The following SCARB2 variants were observed in gnomAD, a reference collection of about 807,000 sequenced individuals.
The protein encoded by SCARB2 is lysosome membrane protein 2.
Under a neutral mutation model 58.6 loss-of-function variants are expected in SCARB2, and 29 were observed. That is an observed-to-expected ratio of 0.49 (90% CI 0.37 to 0.67). The LOEUF (loss-of-function observed/expected upper bound fraction) is 0.67, where lower values mean the gene tolerates loss of function less well. SCARB2 is among the 30% of genes least tolerant of loss of function. SCARB2 has a pLI of 0.00. For missense variants in SCARB2, 488 were observed against 578.5 expected (o/e 0.84, Z 1.60); for synonymous variants, 195 against 210.1 (o/e 0.93, Z 0.62).
At chr4:76,206,725 T>C (rs1259897270) in intron 1 of SCARB2, among the ~76,000 whole-genome samples, 5 of 151,292 alleles carry the variant, frequency 3.3e-5, no homozygotes, top group African/African-American at 4.9e-5. Flanking sequence ...TTACGTCATA[T>C]GGGTTGAAAA....
At chr4:76,179,739 C>G in intron 3 of SCARB2, 34 bp from the exon 4 acceptor site, 1 of 1,548,768 alleles carries the variant, frequency 6.5e-7, no homozygotes, top group Non-Finnish European at 8.9e-7. Flanking sequence ...ACAGCAGCAT[C>G]CCCTCCAAAG....
intron 1 of SCARB2, among the ~76,000 whole-genome samples, chr4:76,204,071 C>A (rs1028604706): frequency 1.4e-4 from 21 of 152,134 alleles, no homozygotes; most frequent in African/African-American, 5.1e-4. Context: ...GGAGAACTTG[C>A]CCTAATTGTG....
chr4:76,174,011 T>C, intron 7 of SCARB2, 133 bp downstream of exon 7: 1 of 1,111,042 alleles, frequency 9.0e-7, no homozygotes, highest in Admixed American at 1.8e-5. Context: ...GCTCAAGTGA[T>C]CATCCCACCT....
In SCARB2 at chr4:76,166,524, A is replaced by G. The variant is rs1420628821; in HGVS notation, c.1188-223T>C. The G allele has an allele frequency of 5.0e-6, 3 of 600,532 alleles. No homozygotes were observed. In the Admixed American group the frequency reaches 8.2e-5, roughly 16 times the overall value. 37.2% of individuals were successfully genotyped at this position (600,532 alleles called of 1,614,324 possible). On this transcript the variant is annotated intron_variant, in intron 9 of 11. Transcript: ENST00000264896. ...ACGTTTATCAAAACACAAGATACTGAAGGCAGATTCCTTAAAATGATGACT... is the reference window on the plus strand; with the variant it reads ...ACGTTTATCAAAACACAAGATACTGGAGGCAGATTCCTTAAAATGATGACT...
intron 11 of SCARB2, 82 bp from the exon 12 acceptor site, chr4:76,161,833 G>A: frequency 7.3e-7 from 1 of 1,369,926 alleles, no homozygotes; most frequent in African/African-American, 1.4e-5. Flanking sequence ...GTGGGGAGTG[G>A]GGGCATGGAA....
At chr4:76,228,509 T>G (rs545359167) in intron 1 of SCARB2, among the ~76,000 whole-genome samples, 1 of 151,942 alleles carries the variant, frequency 6.6e-6, no homozygotes, top group African/African-American at 2.4e-5. Context: ...AGAAAAAAAA[T>G]TTAGAATTCC....
At chr4:76,193,429 G>A (rs1732645506) in intron 2 of SCARB2, 1 of 152,262 alleles carries the variant, frequency 6.6e-6, no homozygotes, top group South Asian at 2.1e-4. Context: ...TGGGAAGAAG[G>A]CCACCGTCCT....
intron 2 of SCARB2, 122 bp downstream of exon 2, chr4:76,195,585 A>C: frequency 2.4e-6 from 2 of 828,826 alleles, no homozygotes; most frequent in Non-Finnish European, 4.1e-6. Flanking sequence ...GTTTCAGACA[A>C]TGAAATCAGA....
intron 1 of SCARB2, among the ~76,000 whole-genome samples, chr4:76,231,310 C>T (rs1733488457): frequency 2.0e-5 from 3 of 152,164 alleles, no homozygotes; most frequent in Admixed American, 2.0e-4. Context: ...GATAATTCCT[C>T]AGAATTAGAA....
Position 76,174,221 on chromosome 4 carries a change from G to A in SCARB2, c.917C>T (p.Ser306Leu). The A allele has an allele frequency of 1.2e-6, 2 of 1,614,206 alleles. No homozygotes were observed. Among genetic ancestry groups the A allele is most frequent in the Non-Finnish European group, 1.7e-6 (2 of 1,180,038 alleles). ...KVPAEILANT[S>L]DNAGFCIPEG... is the part of the protein sequence containing the mutation. Reference sequence around the variant, plus strand: ...AGGTATACAGAAGCCGGCATTGTCTGACGTATTGGCTAATATTTCTGCAGG... The same window carrying A: ...AGGTATACAGAAGCCGGCATTGTCTAACGTATTGGCTAATATTTCTGCAGG... The change falls in exon 7 of 12, where the codon TCA (serine) becomes TTA (leucine). Residue 306 changes from serine (S) to leucine (L), a missense_variant. Ser to Leu is a moderately radical substitution (Grantham distance 145, BLOSUM62 -2). Coordinates refer to ENST00000264896, the MANE Select transcript of SCARB2 (RefSeq NM_005506.4).
In SCARB2 at chr4:76,166,231, C is replaced by T. The variant is rs1362101515; in HGVS notation, c.1239+19G>A. On this transcript the variant is annotated intron_variant, in intron 10 of 11. Transcript: ENST00000264896. ...CTGAGTCTGAAAACACCCGTGGCTCCCTCCGTCTCAGGACTTACCTCATTG... is the reference window on the plus strand; with the variant it reads ...CTGAGTCTGAAAACACCCGTGGCTCTCTCCGTCTCAGGACTTACCTCATTG... 6.2e-7 allele frequency: 1 copy of T among 1,613,522 alleles called. No individual in the cohort carries two copies. The highest frequency in any genetic ancestry group is 2.2e-5 in the East Asian group (1 of 44,886).
upstream of SCARB2, chr4:76,217,715 A>G (rs997177384): frequency 2.9e-5 from 16 of 545,954 alleles, no homozygotes; most frequent in African/African-American, 7.5e-5. Context: ...ACAAACAGAC[A>G]AGGGCGGAAA....
At chr4:76,204,487 A>C (rs1732890920) in intron 1 of SCARB2, among the ~76,000 whole-genome samples, 1 of 152,210 alleles carries the variant, frequency 6.6e-6, no homozygotes. Context: ...AATCCCAAAA[A>C]ACCTCCTGCT....
At chr4:76,222,359 T>C (rs944843149) in intron 1 of SCARB2, among the ~76,000 whole-genome samples, 2 of 152,168 alleles carry the variant, frequency 1.3e-5, no homozygotes, top group Admixed American at 1.3e-4. Context: ...CCCCAGTAGC[T>C]GGGACTATAG....
intron 2 of SCARB2, chr4:76,192,353 G>A (rs1732623742): frequency 6.6e-6 from 1 of 152,226 alleles, no homozygotes; most frequent in African/African-American, 2.4e-5. Flanking sequence ...GGAACTTATT[G>A]GGACTGGAGC....
At chr4:76,191,032 T>C (rs1169495335) in intron 2 of SCARB2, among the ~76,000 whole-genome samples, 1 of 152,218 alleles carries the variant, frequency 6.6e-6, no homozygotes, top group Non-Finnish European at 1.5e-5. Context: ...CTATTTTGGA[T>C]AGTTTGCAGA....
At chr4:76,174,398 G>A in intron 6 of SCARB2, 85 bp from the exon 7 acceptor site, 1 of 1,230,220 alleles carries the variant, frequency 8.1e-7, no homozygotes, top group Non-Finnish European at 1.2e-6. Flanking sequence ...ACAGTTCTCA[G>A]GTACAACATG....
intron 10 of SCARB2, chr4:76,164,836 C>T (rs967483039): frequency 9.9e-5 from 15 of 151,472 alleles, no homozygotes; most frequent in Admixed American, 6.6e-4. Flanking sequence ...TTCATTGGAC[C>T]GAGTCAGTGG....
At chr4:76,207,721 G>A (rs1732957045) in intron 1 of SCARB2, among the ~76,000 whole-genome samples, 1 of 152,152 alleles carries the variant, frequency 6.6e-6, no homozygotes, top group South Asian at 2.1e-4. Context: ...TTTCATCAAT[G>A]AGCTTATAAT....
Sources: allele counts gnomAD v4.1 joint callset (sites outside exome capture counted in the v4.1 genomes callset), GRCh38; gene constraint gnomAD v4.1.1; transcripts MANE v1.5; gene names NCBI Gene and HGNC (gene_info 2026-07-23, HGNC 2026-07-21).